Variants in FSTL4 observed in about 807,000 individuals in gnomAD.
The protein encoded by FSTL4 is follistatin-related protein 4.
Under a neutral mutation model 78.2 loss-of-function variants are expected in FSTL4, and 28 were observed. The observed-to-expected ratio is 0.36, with a 90% CI of 0.27 to 0.49. The LOEUF is 0.49. Among genes scored for constraint, FSTL4 ranks in the 20% least tolerant of loss-of-function variants. The probability of loss-of-function intolerance (pLI) is 0.98; values close to 1 mark genes in which losing one functional copy is unlikely to be tolerated. For missense variants in FSTL4, 922 were observed against 1,084.9 expected (o/e 0.85, Z 2.11); for synonymous variants, 422 against 440.5 (o/e 0.96, Z 0.53).
At chr5:133,798,691 C>A in the FSTL4 span, among the ~76,000 whole-genome samples, 95,700 of 151,640 alleles carry the variant, frequency 0.63, 30,386 homozygotes, top group East Asian at 0.77. Flanking sequence ...CAGCCATAAC[C>A]GAGAACATCA....
At chr5:133,629,477 C>A in the FSTL4 span, among the ~76,000 whole-genome samples, 1 of 152,112 alleles carries the variant, frequency 6.6e-6, no homozygotes, top group Non-Finnish European at 1.5e-5. Context: ...AGACCAATAA[C>A]AAGTTCTGAA....
chr5:133,536,487 T>C (rs1018535451), intron 3 of FSTL4, among the ~76,000 whole-genome samples: 1 of 152,256 alleles, frequency 6.6e-6, no homozygotes, highest in East Asian at 1.9e-4. Context: ...TCAATTACTT[T>C]TGGGGGACAT....
intron 2 of FSTL4, among the ~76,000 whole-genome samples, chr5:133,592,570 T>C (rs141291634): frequency 4.3e-4 from 66 of 152,310 alleles, no homozygotes; most frequent in African/African-American, 1.4e-3. Flanking sequence ...CCAAACCTAA[T>C]GCCAAAATTT....
intron 6 of FSTL4, chr5:133,312,403 G>T: frequency 3.8e-6 from 2 of 522,272 alleles, no homozygotes; most frequent in South Asian, 2.3e-5. Flanking sequence ...TTCAATTACA[G>T]TCCTGGGCCC....
At chr5:133,402,931 C>T (rs1038780698) in intron 3 of FSTL4, among the ~76,000 whole-genome samples, 4 of 152,132 alleles carry the variant, frequency 2.6e-5, no homozygotes, top group East Asian at 3.8e-4. Context: ...TTGATGGTGG[C>T]GGGGAGGGAA....
intron 7 of FSTL4, among the ~76,000 whole-genome samples, chr5:133,240,032 T>A (rs912086446): frequency 6.7e-6 from 1 of 149,998 alleles, no homozygotes; most frequent in Non-Finnish European, 1.5e-5. Context: ...AGCTTTGTTC[T>A]TTTGCTCTTT....
At chr5:133,485,344 G>T (rs537813153) in intron 3 of FSTL4, among the ~76,000 whole-genome samples, 1 of 152,324 alleles carries the variant, frequency 6.6e-6, no homozygotes, top group East Asian at 1.9e-4. Flanking sequence ...AAGCAGGAGG[G>T]AACCCTTTAT....
intron 3 of FSTL4, among the ~76,000 whole-genome samples, chr5:133,442,775 A>G (rs1355229874): frequency 6.6e-6 from 1 of 152,176 alleles, no homozygotes; most frequent in African/African-American, 2.4e-5. Context: ...GGAGTCAGCA[A>G]AACAAAAACC....
Position 133,229,843 on chromosome 5 carries a change from G to A in FSTL4, c.1015+3574C>T, listed in dbSNP as rs1408546551. ...AGGCAATGTCACACATAGAAGTGGG[G>A]AGATAGCCTCAGGCCCTACCCTCAT... On this transcript the variant is annotated intron_variant, in intron 8 of 15. Coordinates refer to ENST00000265342, the MANE Select transcript of FSTL4 (RefSeq NM_015082.2). 4.0e-5 allele frequency among the ~76,000 whole-genome samples: 6 copies of A among 150,700 alleles called. No homozygotes were observed. The East Asian group carries it at 1.2e-3, about 29-fold the overall frequency.
At chr5:133,434,054 C>G (rs1044224589) in intron 3 of FSTL4, among the ~76,000 whole-genome samples, 24 of 152,044 alleles carry the variant, frequency 1.6e-4, no homozygotes, top group African/African-American at 5.3e-4. Context: ...AAACAGATTA[C>G]TATGGCTATT....
At chr5:133,806,974 G>T in the FSTL4 span, among the ~76,000 whole-genome samples, 50 of 152,324 alleles carry the variant, frequency 3.3e-4, no homozygotes, top group Admixed American at 2.9e-3. Context: ...TTATGAGGAT[G>T]CTCCAGGGAA....
chr5:133,785,865 C>G, the FSTL4 span, among the ~76,000 whole-genome samples: 1 of 152,170 alleles, frequency 6.6e-6, no homozygotes, highest in Non-Finnish European at 1.5e-5. Context: ...CCCAGATGCC[C>G]TAGTCACCAG....
chr5:133,310,223 AT>A (rs1290073530), intron 6 of FSTL4, among the ~76,000 whole-genome samples: 1 of 152,114 alleles, frequency 6.6e-6, no homozygotes, highest in Non-Finnish European at 1.5e-5. Context: ...CATATCTATT[AT>A]TTGGGCTGGG....
rs186698867 is a variant in FSTL4, at chr5:133,239,915, T to C, written c.895-6378A>G. On this transcript the variant is annotated intron_variant, in intron 7 of 15. Transcript: ENST00000265342. ...GTAAAACAGACCAATCGGCTCTCTG[T>C]AAAATGGACCAATCAGCAGGATGTG... Among the ~76,000 whole-genome samples, 141 of 152,258 alleles carry C rather than the reference T, an allele frequency of 9.3e-4. 1 individual carries two copies. Among genetic ancestry groups the C allele is most frequent in the African/African-American group, 3.2e-3 (133 of 41,542 alleles).
chr5:133,362,161 G>A (rs1755086748), intron 4 of FSTL4, among the ~76,000 whole-genome samples: 1 of 152,208 alleles, frequency 6.6e-6, no homozygotes, highest in Non-Finnish European at 1.5e-5. Flanking sequence ...ACCTGTATCA[G>A]TTGTATTTGT....
At chr5:133,574,796 T>C (rs1370323236) in intron 2 of FSTL4, 1 of 152,164 alleles carries the variant, frequency 6.6e-6, no homozygotes, top group Non-Finnish European at 1.5e-5. Context: ...CTCATTGTCA[T>C]AGCGCTGAGG....
chr5:133,242,603 G>C, intron 7 of FSTL4, among the ~76,000 whole-genome samples: 1 of 152,102 alleles, frequency 6.6e-6, no homozygotes, highest in Non-Finnish European at 1.5e-5. Flanking sequence ...AAGGCCAGAG[G>C]AGACACTTGG....
chr5:133,315,629 C>A (rs1753885487), intron 5 of FSTL4, among the ~76,000 whole-genome samples: 1 of 152,334 alleles, frequency 6.6e-6, no homozygotes, highest in Admixed American at 6.5e-5. Context: ...CACCGCCCCC[C>A]ACCACCCAAC....
chr5:133,228,041 A>G (rs1751386241), intron 8 of FSTL4, among the ~76,000 whole-genome samples: 1 of 152,196 alleles, frequency 6.6e-6, no homozygotes, highest in African/African-American at 2.4e-5. Context: ...AGCCTGGGCA[A>G]CATGGCAAAA....
Sources: allele counts gnomAD v4.1 joint callset (sites outside exome capture counted in the v4.1 genomes callset), GRCh38; gene constraint gnomAD v4.1.1; transcripts MANE v1.5; gene names NCBI Gene and HGNC (gene_info 2026-07-23, HGNC 2026-07-21).